Variants in OCRL observed in about 807,000 individuals in gnomAD.
The protein encoded by OCRL is OCRL inositol polyphosphate-5-phosphatase.
Under a neutral mutation model 78.9 loss-of-function variants are expected in OCRL, and 8 were observed. The observed-to-expected ratio is 0.10, with a 90% CI of 0.06 to 0.18. The LOEUF (loss-of-function observed/expected upper bound fraction) is 0.18, where lower values mean the gene tolerates loss of function less well. OCRL is among the 10% of genes least tolerant of loss of function. The pLI, the probability that OCRL is intolerant of heterozygous loss-of-function variation, is 1.00. For missense variants in OCRL, 454 were observed against 696.7 expected, an observed-to-expected ratio of 0.65 and a Z score of 3.92; for synonymous variants, 240 against 235.4, an observed-to-expected ratio of 1.02 and a Z score of -0.18.
intron 2 of OCRL, among the ~76,000 whole-genome samples, chrX:129,542,450 T>C (rs1463915544): frequency 1.8e-5 from 2 of 110,498 alleles, no homozygotes; most frequent in Non-Finnish European, 3.8e-5. Context: ...TAAATACATA[T>C]AAACTATAGT....
Position 129,540,408 on chromosome X carries a change from C to T in OCRL, c.-32C>T. On this transcript the variant is annotated 5_prime_UTR_variant, in exon 1 of 24. Coordinates refer to ENST00000371113, the MANE Select transcript of OCRL (RefSeq NM_000276.4). ...CAGTGTCGTCGGATCGGCCCGCAGT[C>T]CGCTGTCCTGCTGAGCCCGGAGGCC... is the stretch of plus-strand genomic sequence containing the variant. 8.7e-7 allele frequency: 1 copy of T among 1,153,631 alleles called. No individual in the cohort carries two copies. The highest frequency in any genetic ancestry group is 1.9e-5 in the South Asian group (1 of 52,490).
chrX:129,542,038 C>T (rs1455601209), intron 2 of OCRL, among the ~76,000 whole-genome samples: 1 of 112,442 alleles, frequency 8.9e-6, no homozygotes, highest in Non-Finnish European at 1.9e-5. Context: ...TGGAACACCA[C>T]TAACATTTCC....
chrX:129,581,199 C>T (rs1046152804), intron 18 of OCRL, among the ~76,000 whole-genome samples: 1 of 112,510 alleles, frequency 8.9e-6, no homozygotes, highest in African/African-American at 3.2e-5. Flanking sequence ...TCTTCCACCT[C>T]TAATTGACTC....
At chrX:129,582,347 C>T (rs989150754) in intron 18 of OCRL, among the ~76,000 whole-genome samples, 10 of 112,426 alleles carry the variant, frequency 8.9e-5, no homozygotes, top group Non-Finnish European at 1.9e-4. Flanking sequence ...CAGGGACAAA[C>T]CAGGTCTTTC....
Position 129,557,855 on chromosome X carries a change from C to G in OCRL, c.350-6C>G, listed in dbSNP as rs373736434. On this transcript the variant is annotated splice_polypyrimidine_tract_variant and splice_region_variant and intron_variant, in intron 5 of 23. Transcript: ENST00000371113. ...CAGTTTCTGACCATGAACCTTATCT[C>G]TCTAGCTCAGTCACAGCTTCTTGTT... 4.3e-6 allele frequency: 5 copies of G among 1,169,348 alleles called. No individual in the cohort carries two copies. The African/African-American group carries it at 7.1e-5, about 17-fold the overall frequency.
Position 129,574,208 on chromosome X carries a change from C to CT in OCRL, c.1603-927dup, listed in dbSNP as rs1307654821. The stretch of plus-strand genomic sequence containing the variant: ...GCCTCACCAGCATCTGTTTCCACAT[C>CT]TTTTTAGAACCTTTGCTGCATGTAT... On this transcript the variant is annotated intron_variant, in intron 15 of 23. Transcript: ENST00000371113. 7.1e-5 allele frequency among the ~76,000 whole-genome samples: 8 copies of CT among 112,176 alleles called. No homozygotes were observed. In the East Asian group the frequency reaches 2.2e-3, roughly 31 times the overall value.
At chrX:129,564,980 A>G (rs975049393) in intron 12 of OCRL, among the ~76,000 whole-genome samples, 1 of 112,048 alleles carries the variant, frequency 8.9e-6, no homozygotes, top group African/African-American at 3.2e-5. Flanking sequence ...AGGATCATGT[A>G]GAATTCTATT....
Position 129,562,631 on chromosome X carries a change from A to G in OCRL, c.1089A>G (p.Val363=), listed in dbSNP as rs745807822. Residue 363 remains valine (V), a synonymous_variant, in exon 12 of 24, where the codon GTA becomes GTG. Transcript: ENST00000371113. ...AAGGTGGGGTAGCTGTGAGATTTGT[A>G]TTTCACAACACCACCTTTTGCATTG... ...GNKGGVAVRF[V]FHNTTFCIVN... 2.0e-5 allele frequency: 24 copies of G among 1,209,816 alleles called. No homozygotes were observed. The highest frequency in any genetic ancestry group is 8.9e-6 in the Non-Finnish European group (8 of 895,001).
Position 129,575,880 on chromosome X carries a change from T to G in OCRL, c.1714-17T>G. 1 of 1,211,125 alleles carries G rather than the reference T, an allele frequency of 8.3e-7. No homozygotes were observed. The highest frequency in any genetic ancestry group is 1.1e-6 in the Non-Finnish European group (1 of 894,565). ...CCTACTAGTGATGCATGTTTGTGTC[T>G]GTCTGTTATTCCCCAGTTTGTGTTT... On this transcript the variant is annotated splice_polypyrimidine_tract_variant and intron_variant, in intron 16 of 23. Coordinates refer to ENST00000371113, the MANE Select transcript of OCRL (RefSeq NM_000276.4).
At chrX:129,567,182 C>T (rs1335417162) in intron 13 of OCRL, 72 bp from the exon 14 acceptor site, 1 of 708,986 alleles carries the variant, frequency 1.4e-6, no homozygotes, top group Admixed American at 2.4e-5. Flanking sequence ...GGAACAGTGG[C>T]TTATCAACCT....
At chrX:129,565,657 G>C (rs1255060961) in intron 12 of OCRL, 115 bp from the exon 13 acceptor site, 3 of 567,686 alleles carry the variant, frequency 5.3e-6, no homozygotes, top group Non-Finnish European at 9.1e-6. Flanking sequence ...AACCCCTTGT[G>C]AGATAGTGGT....
chrX:129,562,865 T>G (rs756133760), intron 12 of OCRL, 79 bp downstream of exon 12: 3 of 941,162 alleles, frequency 3.2e-6, no homozygotes, highest in Admixed American at 4.6e-5. Flanking sequence ...TGTGAGATAC[T>G]GTAGAGCTGT....
At chrX:129,558,604 C>G in intron 6 of OCRL, 29 bp from the exon 7 acceptor site, 1 of 1,209,269 alleles carries the variant, frequency 8.3e-7, no homozygotes, top group Non-Finnish European at 1.1e-6. Context: ...ATTTTTTCCC[C>G]GTTTGACTTT....
At chrX:129,584,144 T>TAAAATGTATAGTAAACTTTGTGTATGA (rs1424818480) in intron 18 of OCRL, among the ~76,000 whole-genome samples, 200 bp from the exon 19 acceptor site, 3 of 111,996 alleles carry the variant, frequency 2.7e-5, no homozygotes, top group African/African-American at 9.9e-5. Flanking sequence ...CACAAAAATT[T>TAAAATGTATAGTAAACTTTGTGTATGA]AAAATGTATA....
chrX:129,551,864 G>C (rs1456099259), intron 4 of OCRL, among the ~76,000 whole-genome samples: 1 of 112,023 alleles, frequency 8.9e-6, no homozygotes, highest in African/African-American at 3.2e-5. Context: ...GACCAGAGGG[G>C]CTAAGTAAGA....
rs1936579848 is a variant in OCRL, at chrX:129,591,066, C to T, written c.*796C>T. 8.8e-6 allele frequency: 1 copy of T among 113,383 alleles called. No homozygotes were observed. Among genetic ancestry groups the T allele is most frequent in the Non-Finnish European group, 1.9e-5 (1 of 53,255 alleles). 9.3% of individuals were successfully genotyped at this position (113,383 alleles called of 1,213,427 possible). A position where few individuals can be genotyped will look rare whatever the true frequency, so the allele number is the denominator to read the frequency against. On this transcript the variant is annotated 3_prime_UTR_variant, in exon 24 of 24. Transcript: ENST00000371113. ...GGTCCTGCTTCCCACTATCCTTTTC[C>T]TGTTATTATTCAAATTTTACACAAG...
intron 18 of OCRL, among the ~76,000 whole-genome samples, chrX:129,579,406 T>C (rs1936412989): frequency 9.0e-6 from 1 of 111,704 alleles, no homozygotes; most frequent in Non-Finnish European, 1.9e-5. Context: ...ACCTGCCCTC[T>C]GTTGTATTAT....
At chrX:129,576,093 G>T (rs1471035309) in intron 17 of OCRL, 31 bp downstream of exon 17, 3 of 1,174,318 alleles carry the variant, frequency 2.6e-6, no homozygotes, top group Non-Finnish European at 3.4e-6. Flanking sequence ...TGTCTCTGCT[G>T]GTGATGTCAT....
intron 16 of OCRL, chrX:129,575,687 T>G (rs1282393149): frequency 4.3e-6 from 2 of 461,541 alleles, no homozygotes; most frequent in African/African-American, 2.4e-5. Flanking sequence ...CCTGGAGAAG[T>G]AGCAAGAGCC....
Sources: allele counts gnomAD v4.1 joint callset (sites outside exome capture counted in the v4.1 genomes callset), GRCh38; gene constraint gnomAD v4.1.1; transcripts MANE v1.5; gene names NCBI Gene and HGNC (gene_info 2026-07-23, HGNC 2026-07-21).